Variants in FNBP1 observed in about 807,000 individuals in gnomAD.
FNBP1 encodes formin binding protein 1, also known as formin-binding protein 1.
FNBP1 carries 26 observed loss-of-function variants against 90.6 expected under a neutral mutation model. The ratio of observed to expected loss-of-function variants is 0.29; its 90% confidence interval spans 0.21 to 0.40. The LOEUF (loss-of-function observed/expected upper bound fraction) is 0.40. Ranked by LOEUF, FNBP1 falls within the 10% of genes least tolerant of loss-of-function variation. The probability of loss-of-function intolerance (pLI) is 1.00; values close to 1 mark genes in which losing one functional copy is unlikely to be tolerated. For missense variants in FNBP1, 635 were observed against 768.0 expected, an observed-to-expected ratio of 0.83 and a Z score of 2.05; for synonymous variants, 260 against 265.2, an observed-to-expected ratio of 0.98 and a Z score of 0.19.
intron 11 of FNBP1, among the ~76,000 whole-genome samples, chr9:129,912,658 C>G (rs569553612): frequency 1.4e-5 from 2 of 146,890 alleles, no homozygotes; most frequent in Non-Finnish European, 3.0e-5. Flanking sequence ...ACTGCGCACT[C>G]CAGCCTGGAC....
chr9:129,989,505 T>C (rs767726591), intron 2 of FNBP1, among the ~76,000 whole-genome samples: 68 of 152,338 alleles, frequency 4.5e-4, no homozygotes, highest in Non-Finnish European at 9.0e-4. Context: ...GCACCTACTA[T>C]GTGCCAGGCA....
At chr9:130,024,220 G>A (rs1417690586) in intron 1 of FNBP1, among the ~76,000 whole-genome samples, 1 of 151,612 alleles carries the variant, frequency 6.6e-6, no homozygotes, top group Non-Finnish European at 1.5e-5. Context: ...GGCTAGCCTG[G>A]GCAACATAGT....
intron 5 of FNBP1, 34 bp downstream of exon 5, chr9:129,958,457 A>G: frequency 1.3e-6 from 2 of 1,533,314 alleles, no homozygotes; most frequent in Non-Finnish European, 1.8e-6. Flanking sequence ...AAAATCTATA[A>G]AGCCGTTTCT....
intron 1 of FNBP1, among the ~76,000 whole-genome samples, chr9:130,040,247 T>G (rs541977129): frequency 3.9e-4 from 60 of 152,088 alleles, no homozygotes; most frequent in Non-Finnish European, 7.1e-4. Context: ...TTTCTCTTAG[T>G]AGCACAATCA....
chr9:129,957,168 G>C lies in FNBP1; in HGVS notation c.513+192C>G, dbSNP rs897377404. On this transcript the variant is annotated intron_variant, in intron 6 of 16. Transcript: ENST00000446176. This position sits in a 1 kb window ranked among gnomAD's most constrained non-coding sequence, Gnocchi z 4.3. The stretch of plus-strand genomic sequence containing the variant: ...TTCTCCTGCCTCAGCCTCCCTAGTA[G>C]TTGGGATTATAGGTGCCTGCCACTG... 6.6e-6 allele frequency among the ~76,000 whole-genome samples: 1 copy of C among 151,772 alleles called. No individual in the cohort carries two copies. Among genetic ancestry groups the C allele is most frequent in the Non-Finnish European group, 1.5e-5 (1 of 67,980 alleles).
the FNBP1 span, among the ~76,000 whole-genome samples, chr9:130,051,152 C>T: frequency 6.6e-6 from 1 of 152,106 alleles, no homozygotes; most frequent in Non-Finnish European, 1.5e-5. Flanking sequence ...CCACTGACCT[C>T]AGCCTCCCAA....
chr9:130,028,091 A>G (rs1310863945), intron 1 of FNBP1, among the ~76,000 whole-genome samples: 1 of 152,118 alleles, frequency 6.6e-6, no homozygotes, highest in Non-Finnish European at 1.5e-5. Context: ...ACCATACTCT[A>G]TTGGTCAAGG....
chr9:129,961,849 G>C (rs764709031), intron 4 of FNBP1, among the ~76,000 whole-genome samples: 12 of 152,182 alleles, frequency 7.9e-5, no homozygotes, highest in Non-Finnish European at 1.6e-4. Flanking sequence ...GCCTCCCAAA[G>C]TGCTGGGATT....
At chr9:129,922,274 C>A (rs2131844849) in intron 10 of FNBP1, among the ~76,000 whole-genome samples, 1 of 152,346 alleles carries the variant, frequency 6.6e-6, no homozygotes, top group South Asian at 2.1e-4. Context: ...AAACTGGTAT[C>A]TACATTGGAT....
chr9:129,989,409 C>T (rs1165191913), intron 2 of FNBP1, among the ~76,000 whole-genome samples: 1 of 152,070 alleles, frequency 6.6e-6, no homozygotes, highest in Non-Finnish European at 1.5e-5. Flanking sequence ...CCGGTGCAAA[C>T]ACATAATTCC....
At position 129,921,248 on chromosome 9, in the gene FNBP1, A is replaced by G. The variant is rs557424326; in HGVS notation, c.1170+2596T>C. Among the ~76,000 whole-genome samples the G allele has an allele frequency of 7.9e-5, 12 of 152,188 alleles. No homozygotes were observed. The South Asian group carries it at 2.3e-3, about 29-fold the overall frequency. On this transcript the variant is annotated intron_variant, in intron 10 of 16. Coordinates refer to ENST00000446176, the MANE Select transcript of FNBP1 (RefSeq NM_015033.3). ...AGCATTGATAATAAACTTGTTATCA[A>G]TTATGAATTTACATTCTTTACTTTT...
chr9:129,923,787 G>A, intron 10 of FNBP1, 57 bp downstream of exon 10: 1 of 1,488,160 alleles, frequency 6.7e-7, no homozygotes, highest in Non-Finnish European at 8.9e-7. Flanking sequence ...TAGTTATGCA[G>A]AACCAAACAT....
intron 1 of FNBP1, among the ~76,000 whole-genome samples, chr9:130,008,009 A>AG: frequency 6.7e-6 from 1 of 148,700 alleles, no homozygotes; most frequent in Admixed American, 6.7e-5. Flanking sequence ...AAAAAAAAAA[A>AG]AAAAATTAAA....
At position 129,900,408 on chromosome 9, in the gene FNBP1, G is replaced by A. The variant is rs780950627; in HGVS notation, c.1550+18C>T. The A allele has an allele frequency of 2.1e-5, 32 of 1,536,038 alleles. No homozygotes were observed. Among genetic ancestry groups the A allele is most frequent in the East Asian group, 4.8e-5 (2 of 42,014 alleles). On this transcript the variant is annotated intron_variant, in intron 14 of 16. Transcript: ENST00000446176. This position sits in a 1 kb window ranked among gnomAD's most constrained non-coding sequence, Gnocchi z 4.1. The stretch of plus-strand genomic sequence containing the variant: ...ACAGGCTCCCTTGCCAGAGGCAGGC[G>A]CTGTGCAGATACTGTACCTCTCACG...
intron 1 of FNBP1, among the ~76,000 whole-genome samples, chr9:130,014,650 C>A (rs1167089981): frequency 6.6e-6 from 1 of 152,038 alleles, no homozygotes; most frequent in Admixed American, 6.5e-5. Flanking sequence ...TTCATACATT[C>A]TTTTGTAATA....
At chr9:129,925,687 A>G (rs1300597216) in intron 8 of FNBP1, among the ~76,000 whole-genome samples, 2 of 117,748 alleles carry the variant, frequency 1.7e-5, no homozygotes, top group Non-Finnish European at 3.3e-5. Flanking sequence ...TCCGCCTCCC[A>G]GGTTTAAGCG....
At chr9:129,971,930 C>G (rs7045200) in intron 4 of FNBP1, among the ~76,000 whole-genome samples, 147,629 of 152,316 alleles carry the variant, frequency 0.97, 71,717 homozygotes, top group East Asian at 1. Context: ...AGATCCAGCA[C>G]TAATCCTGTA....
intron 8 of FNBP1, among the ~76,000 whole-genome samples, chr9:129,925,996 G>C (rs931913396): frequency 2.7e-5 from 4 of 149,426 alleles, no homozygotes; most frequent in Admixed American, 2.7e-4. Context: ...TTTTGAGACA[G>C]AGTCTCGCTC....
intron 16 of FNBP1, among the ~76,000 whole-genome samples, chr9:129,894,587 G>A (rs143826869): frequency 0.011 from 1,626 of 152,326 alleles, 12 homozygotes; most frequent in Middle Eastern, 0.027. Flanking sequence ...AGAAGCATTT[G>A]CTGCCACACC....
Sources: gnomAD v4.1 joint callset for allele counts (sites outside exome capture counted in the v4.1 genomes callset) on GRCh38, gnomAD v4.1.1 for gene constraint, Gnocchi (gnomAD v3.1) non-coding constraint, MANE v1.5 for transcripts, NCBI Gene and HGNC (gene_info 2026-07-23, HGNC 2026-07-21) for gene names.